Variants in ERC2 observed in about 807,000 individuals in gnomAD.
ERC2 encodes ELKS/RAB6-interacting/CAST family member 2.
A neutral mutation model predicts 114.8 loss-of-function variants in ERC2; 42 were observed. The observed-to-expected ratio is 0.37, with a 90% CI of 0.29 to 0.47. The LOEUF is 0.47. Ranked by LOEUF, ERC2 falls within the 20% of genes least tolerant of loss-of-function variation. The pLI, the probability that ERC2 is intolerant of heterozygous loss-of-function variation, is 0.99. For synonymous variants in ERC2, 454 were observed against 425.5 expected (o/e 1.07, Z -0.82); for missense variants, 939 against 1,150.7 (o/e 0.82, Z 2.66).
intron 6 of ERC2, among the ~76,000 whole-genome samples, chr3:56,135,107 C>T (rs1024912318): frequency 1.1e-4 from 16 of 151,956 alleles, no homozygotes; most frequent in African/African-American, 3.9e-4. Flanking sequence ...CCCGTACCAC[C>T]ACGTCCAGCT....
intron 15 of ERC2, among the ~76,000 whole-genome samples, chr3:55,706,527 G>C (rs1173244247): frequency 6.6e-6 from 1 of 151,936 alleles, no homozygotes; most frequent in African/African-American, 2.4e-5. Flanking sequence ...CTCCAGAGTA[G>C]CTGGGATTCC....
Position 55,960,824 on chromosome 3 carries a change from TCCACTGCCTGTAAAA to T in ERC2, c.2268-10279_2268-10265del, listed in dbSNP as rs368418358. On this transcript the variant is annotated intron_variant, in intron 12 of 17. Coordinates refer to ENST00000288221, the MANE Select transcript of ERC2 (RefSeq NM_015576.3). ...CCCTCGAAAAACATTTCATTGGATC[TCCACTGCCTGTAAAA>T]CCACCCATGTGTTGGCCGGGCATGG... 1.7e-3 allele frequency among the ~76,000 whole-genome samples: 260 copies of T among 152,380 alleles called. 1 individual carries two copies. Among genetic ancestry groups the T allele is most frequent in the Non-Finnish European group, 2.0e-3 (134 of 68,032 alleles).
At chr3:56,088,810 A>G (rs1466940160) in intron 6 of ERC2, among the ~76,000 whole-genome samples, 1 of 152,210 alleles carries the variant, frequency 6.6e-6, no homozygotes, top group Admixed American at 6.5e-5. Context: ...ATTAAATTAA[A>G]TAACACATGT....
chr3:56,058,866 C>A (rs550161194), intron 7 of ERC2, among the ~76,000 whole-genome samples: 228 of 152,182 alleles, frequency 1.5e-3, no homozygotes, highest in South Asian at 4.4e-3. Context: ...TTCTTTCTTT[C>A]TTTCTTTATT....
At chr3:55,879,636 T>G (rs978485650) in intron 14 of ERC2, among the ~76,000 whole-genome samples, 2 of 152,192 alleles carry the variant, frequency 1.3e-5, no homozygotes, top group African/African-American at 4.8e-5. Flanking sequence ...ACATGTCTGT[T>G]AGGAATAGAC....
intron 12 of ERC2, chr3:55,955,248 TTGTGTGTGTGTGTGTGTGTGTG>T (rs60633794): frequency 5.8e-5 from 21 of 360,696 alleles, no homozygotes; most frequent in Non-Finnish European, 1.1e-4. Flanking sequence ...GGTGGTGTGT[TTGTGTGTGTGTGTGTGTGTGTG>T]TGTGTGTGTG....
chr3:56,196,427 T>C (rs1217571517), intron 3 of ERC2, among the ~76,000 whole-genome samples: 1 of 151,850 alleles, frequency 6.6e-6, no homozygotes. Context: ...GGCAATGGTA[T>C]CCACAGTCAA....
At chr3:56,468,115 C>A (rs2063638211) in intron 1 of ERC2, 133 bp downstream of exon 1, 1 of 152,116 alleles carries the variant, frequency 6.6e-6, no homozygotes, top group Non-Finnish European at 1.5e-5. Flanking sequence ...GGATGGTTCA[C>A]CCTTAGGCTC....
At chr3:55,604,186 G>T (rs115967937) in intron 17 of ERC2, among the ~76,000 whole-genome samples, 6 of 151,956 alleles carry the variant, frequency 3.9e-5, no homozygotes, top group African/African-American at 1.2e-4. Flanking sequence ...ATTTGTCCAC[G>T]ATTTTTGAGG....
At chr3:55,806,206 G>A (rs571137517) in intron 14 of ERC2, among the ~76,000 whole-genome samples, 47 of 151,934 alleles carry the variant, frequency 3.1e-4, no homozygotes, top group Admixed American at 4.6e-4. Flanking sequence ...ATGGTGGCAT[G>A]TGCCTGTAAT....
Position 55,509,965 on chromosome 3 carries a change from T to G in ERC2, c.*1351A>C. Reference sequence around the variant, plus strand: ...CAAGAAAATGGAGCAATACAAGAGTTGCACATGTTTGCCAGACTCAGTCAT... The same window carrying G: ...CAAGAAAATGGAGCAATACAAGAGTGGCACATGTTTGCCAGACTCAGTCAT... On this transcript the variant is annotated 3_prime_UTR_variant, in exon 18 of 18. Coordinates refer to ENST00000288221, the MANE Select transcript of ERC2 (RefSeq NM_015576.3). 1 of 152,674 alleles carries G rather than the reference T, an allele frequency of 6.5e-6. No homozygotes were observed. The highest frequency in any genetic ancestry group is 2.1e-4 in the South Asian group (1 of 4,830). 9.5% of individuals were successfully genotyped at this position (152,674 alleles called of 1,614,324 possible).
chr3:56,258,118 C>T (rs1379596006), intron 3 of ERC2, among the ~76,000 whole-genome samples: 1 of 152,206 alleles, frequency 6.6e-6, no homozygotes, highest in Non-Finnish European at 1.5e-5. Flanking sequence ...GCCAGATGCC[C>T]TGCCCTGCTG....
At chr3:55,837,902 A>C (rs2060968116) in intron 14 of ERC2, among the ~76,000 whole-genome samples, 2 of 152,096 alleles carry the variant, frequency 1.3e-5, no homozygotes, top group African/African-American at 4.8e-5. Context: ...ACTAAAGGGA[A>C]AAAAAGCTGC....
intron 2 of ERC2, among the ~76,000 whole-genome samples, chr3:56,379,576 C>T (rs555950218): frequency 5.5e-4 from 84 of 152,192 alleles, no homozygotes; most frequent in Non-Finnish European, 8.2e-4. Flanking sequence ...GGTGGTGATG[C>T]TTGGATTTCA....
At chr3:56,237,627 C>T (rs1047880662) in intron 3 of ERC2, among the ~76,000 whole-genome samples, 10 of 152,158 alleles carry the variant, frequency 6.6e-5, no homozygotes, top group Non-Finnish European at 1.0e-4. Flanking sequence ...ACCAACCTGG[C>T]CTCCTCAGCT....
At chr3:56,256,901 C>T (rs2052554858) in intron 3 of ERC2, among the ~76,000 whole-genome samples, 2 of 152,198 alleles carry the variant, frequency 1.3e-5, no homozygotes, top group South Asian at 4.1e-4. Context: ...CCATGCAGAA[C>T]TGTGAGTCAA....
At chr3:56,385,269 T>C (rs1440288454) in intron 2 of ERC2, among the ~76,000 whole-genome samples, 2 of 152,168 alleles carry the variant, frequency 1.3e-5, no homozygotes, top group Non-Finnish European at 2.9e-5. Context: ...TGGTGACTTC[T>C]TACTGTGTCC....
intron 2 of ERC2, among the ~76,000 whole-genome samples, chr3:56,432,509 C>T (rs185584813): frequency 6.6e-6 from 1 of 152,268 alleles, no homozygotes; most frequent in Non-Finnish European, 1.5e-5. Flanking sequence ...GAGTGAAGAA[C>T]AAACCTTTCG....
In ERC2 at chr3:56,288,586, T is replaced by A. The variant is rs192131996; in HGVS notation, c.1074+7433A>T. ...AAACTTAAAAGAATGCATGAGAATT[T>A]AAAGATAAGGCAAATGATGCTAAAC... On this transcript the variant is annotated intron_variant, in intron 3 of 17. Transcript: ENST00000288221. 1.0e-3 allele frequency among the ~76,000 whole-genome samples: 152 copies of A among 152,332 alleles called. 1 individual carries two copies. The highest frequency in any genetic ancestry group is 3.4e-3 in the Middle Eastern group (1 of 294).
Sources: gnomAD v4.1 joint callset for allele counts (sites outside exome capture counted in the v4.1 genomes callset) on GRCh38, gnomAD v4.1.1 for gene constraint, MANE v1.5 for transcripts, NCBI Gene and HGNC (gene_info 2026-07-23, HGNC 2026-07-21) for gene names.